PTPRD: variants seen among roughly 807,000 people sequenced by gnomAD.
PTPRD encodes protein tyrosine phosphatase receptor type D.
PTPRD carries 34 observed loss-of-function variants against 214.5 expected under a neutral mutation model. That is an observed-to-expected ratio of 0.16 (90% CI 0.12 to 0.21). PTPRD has a LOEUF of 0.21. Among genes scored for constraint, PTPRD ranks in the 10% least tolerant of loss-of-function variants. The pLI is 1.00. For synonymous variants in PTPRD, 1,128 were observed against 845.7 expected (o/e 1.33, Z -5.79); for missense variants, 2,545 against 2,398.7 (o/e 1.06, Z -1.27).
intron 8 of PTPRD, among the ~76,000 whole-genome samples, chr9:9,415,204 AG>A: frequency 1.3e-5 from 2 of 152,268 alleles, no homozygotes; most frequent in South Asian, 4.2e-4. Context: ...GGCATAAAAA[AG>A]ACCTCTCTTC....
chr9:10,113,426 T>C (rs2098707114), intron 3 of PTPRD, among the ~76,000 whole-genome samples: 1 of 152,164 alleles, frequency 6.6e-6, no homozygotes, highest in South Asian at 2.1e-4. Flanking sequence ...AGATGAGTTG[T>C]TAAAACTGCT....
chr9:9,785,461 T>G (rs1353177153), intron 5 of PTPRD, among the ~76,000 whole-genome samples: 1 of 152,108 alleles, frequency 6.6e-6, no homozygotes, highest in African/African-American at 2.4e-5. Context: ...ACATAGTTTC[T>G]GTAGTCTTTA....
chr9:8,714,365 T>C (rs977553504), intron 12 of PTPRD, among the ~76,000 whole-genome samples: 54 of 152,210 alleles, frequency 3.5e-4, no homozygotes, highest in African/African-American at 1.3e-3. Flanking sequence ...TTCTGCCCTT[T>C]GCAGACACTA....
intron 11 of PTPRD, among the ~76,000 whole-genome samples, chr9:9,010,035 T>A (rs2099501960): frequency 6.6e-6 from 1 of 152,100 alleles, no homozygotes; most frequent in South Asian, 2.1e-4. Context: ...CTGACAAAGA[T>A]GGAAATTTTT....
chr9:9,582,516 G>A (rs1280857811), intron 7 of PTPRD, among the ~76,000 whole-genome samples: 2 of 151,286 alleles, frequency 1.3e-5, no homozygotes, highest in Admixed American at 6.6e-5. Flanking sequence ...GAATCTGAGA[G>A]ATAAATAAAT....
rs556401864 is a variant in PTPRD at position 9,360,539 on chromosome 9, T to C, written c.-203+36910A>G. Among the ~76,000 whole-genome samples, 7 of 151,200 alleles carry C rather than the reference T, an allele frequency of 4.6e-5. No homozygotes were observed. The South Asian group carries it at 1.5e-3, about 31-fold the overall frequency. On this transcript the variant is annotated intron_variant, in intron 9 of 45. Transcript: ENST00000381196. ...TGCATATTTATTTACATCTCTGAAA[T>C]AGGTAAATTGGGAAATTATCTAGAA...
chr9:9,131,083 G>T (rs998081451), intron 10 of PTPRD, among the ~76,000 whole-genome samples: 3 of 152,020 alleles, frequency 2.0e-5, no homozygotes, highest in African/African-American at 7.2e-5. Context: ...TAGTTGGGAA[G>T]GAAAAGGGAA....
At chr9:9,389,992 G>C (rs10816114) in intron 9 of PTPRD, among the ~76,000 whole-genome samples, 8 of 152,036 alleles carry the variant, frequency 5.3e-5, no homozygotes, top group African/African-American at 1.9e-4. Context: ...AGCATTAAGT[G>C]GGATAAGAAG....
intron 3 of PTPRD, among the ~76,000 whole-genome samples, chr9:10,335,852 A>G (rs953423253): frequency 6.6e-6 from 1 of 151,820 alleles, no homozygotes; most frequent in Non-Finnish European, 1.5e-5. Context: ...GATGCTCACC[A>G]TGTCATCAGG....
At chr9:9,437,421 CCT>C (rs1474180729) in intron 8 of PTPRD, among the ~76,000 whole-genome samples, 3 of 136,320 alleles carry the variant, frequency 2.2e-5, no homozygotes, top group Non-Finnish European at 3.1e-5. Context: ...AATGATGCCC[CCT>C]GAGAGTAATG....
intron 11 of PTPRD, among the ~76,000 whole-genome samples, chr9:8,777,015 C>G (rs1034563065): frequency 7.2e-6 from 1 of 139,104 alleles, no homozygotes; most frequent in Admixed American, 7.6e-5. Context: ...TGGTCTTACT[C>G]TGTCACCCAG....
chr9:10,152,984 G>A (rs1278198734), intron 3 of PTPRD, among the ~76,000 whole-genome samples: 1 of 152,212 alleles, frequency 6.6e-6, no homozygotes, highest in Non-Finnish European at 1.5e-5. Context: ...AATTGAAGTA[G>A]AGAATAGAAT....
At chr9:8,610,762 T>C (rs1378273580) in intron 14 of PTPRD, among the ~76,000 whole-genome samples, 1 of 152,238 alleles carries the variant, frequency 6.6e-6, no homozygotes, top group Non-Finnish European at 1.5e-5. Flanking sequence ...TGTGTTATTC[T>C]ACTTAGTTTT....
chr9:8,957,192 T>C (rs906504711), intron 11 of PTPRD, among the ~76,000 whole-genome samples: 1 of 151,860 alleles, frequency 6.6e-6, no homozygotes, highest in Non-Finnish European at 1.5e-5. Flanking sequence ...TCCTTTCATA[T>C]AACTTTCACG....
chr9:10,145,232 T>A (rs1201963980), intron 3 of PTPRD, among the ~76,000 whole-genome samples: 2 of 152,118 alleles, frequency 1.3e-5, no homozygotes, highest in African/African-American at 4.8e-5. Flanking sequence ...TGAAGCCACA[T>A]ATAATTTCAG....
chr9:9,799,815 T>C (rs906464290), intron 5 of PTPRD, among the ~76,000 whole-genome samples: 1 of 152,100 alleles, frequency 6.6e-6, no homozygotes, highest in South Asian at 2.1e-4. Flanking sequence ...GAAGATAAAA[T>C]AGTCATCTAA....
chr9:10,420,488 C>G (rs2098535919), intron 2 of PTPRD, among the ~76,000 whole-genome samples: 1 of 151,778 alleles, frequency 6.6e-6, no homozygotes, highest in Non-Finnish European at 1.5e-5. Context: ...GGGAAATAAT[C>G]TCTTGCTGAG....
chr9:10,319,421 T>C (rs1291793964), intron 3 of PTPRD, among the ~76,000 whole-genome samples: 1 of 152,104 alleles, frequency 6.6e-6, no homozygotes, highest in African/African-American at 2.4e-5. Context: ...TTATCTACTA[T>C]ATGGATGACA....
At chr9:10,318,791 T>C (rs1307998216) in intron 3 of PTPRD, among the ~76,000 whole-genome samples, 2 of 152,036 alleles carry the variant, frequency 1.3e-5, no homozygotes, top group African/African-American at 2.4e-5. Context: ...TTGTCTTTAA[T>C]GGGAACACTG....
Sources: gnomAD v4.1 joint callset for allele counts (sites outside exome capture counted in the v4.1 genomes callset) on GRCh38, gnomAD v4.1.1 for gene constraint, MANE v1.5 for transcripts, NCBI Gene and HGNC (gene_info 2026-07-23, HGNC 2026-07-21) for gene names.